Variants in ZMYND12 observed in about 807,000 individuals in gnomAD.
ZMYND12 encodes zinc finger MYND domain-containing protein 12.
In ZMYND12, 32 loss-of-function variants were observed where a neutral mutation model predicts 41.7. That is an observed-to-expected ratio of 0.77 (90% CI 0.58 to 1.03). The LOEUF is 1.03. Among genes scored for constraint, ZMYND12 ranks in the 50% least tolerant of loss-of-function variants. The pLI is 0.00. For synonymous variants in ZMYND12, 148 were observed against 164.8 expected, an observed-to-expected ratio of 0.90 and a Z score of 0.78; for missense variants, 424 against 438.5, an observed-to-expected ratio of 0.97 and a Z score of 0.30.
At chr1:42,434,346 C>G (rs746776046) in intron 6 of ZMYND12, among the ~76,000 whole-genome samples, 1 of 152,154 alleles carries the variant, frequency 6.6e-6, no homozygotes, top group Non-Finnish European at 1.5e-5. Context: ...TTCAGTAAAG[C>G]ATGAAGTTAA....
chr1:42,434,783 G>C (rs904269008), intron 6 of ZMYND12, among the ~76,000 whole-genome samples: 5 of 151,700 alleles, frequency 3.3e-5, no homozygotes, highest in Non-Finnish European at 5.9e-5. Flanking sequence ...ACATTATGAT[G>C]CATGGTATAA....
At chr1:42,443,779 T>C (rs1004028136) in intron 3 of ZMYND12, among the ~76,000 whole-genome samples, 3 of 152,188 alleles carry the variant, frequency 2.0e-5, no homozygotes, top group Non-Finnish European at 4.4e-5. Flanking sequence ...ACCTAATTGA[T>C]TGAGTCTCTA....
At position 42,439,544 on chromosome 1, in the gene ZMYND12, A is replaced by G. The variant is rs112770504; in HGVS notation, c.594+312T>C. Among the ~76,000 whole-genome samples, 782 of 152,164 alleles carry G rather than the reference A, an allele frequency of 5.1e-3. 5 individuals are homozygous for G. Among genetic ancestry groups the G allele is most frequent in the African/African-American group, 0.017 (712 of 41,534 alleles). ...CTCCCAAAGTGCTGGGATTACAGGCATGAGCCACCATGCCCGGCCAGCAAA... is the reference window on the plus strand; with the variant it reads ...CTCCCAAAGTGCTGGGATTACAGGCGTGAGCCACCATGCCCGGCCAGCAAA... On this transcript the variant is annotated intron_variant, in intron 4 of 7. Coordinates refer to ENST00000372565, the MANE Select transcript of ZMYND12 (RefSeq NM_032257.5).
At chr1:42,448,894 T>C (rs564533653) in intron 2 of ZMYND12, among the ~76,000 whole-genome samples, 9 of 152,350 alleles carry the variant, frequency 5.9e-5, no homozygotes, top group African/African-American at 1.9e-4. Context: ...ATGCTCAATA[T>C]AGAGTTATCA....
chr1:42,450,183 C>T lies in ZMYND12; in HGVS notation c.111-124G>A, dbSNP rs112583772. The T allele has an allele frequency of 1.4e-3, 1,538 of 1,077,542 alleles. 11 individuals carry two copies. In the African/African-American group the frequency reaches 0.021, roughly 15 times the overall value. 66.7% of individuals were successfully genotyped at this position (1,077,542 alleles called of 1,614,324 possible). A position where few individuals can be genotyped will look rare whatever the true frequency, so the allele number is the denominator to read the frequency against. Reference sequence around the variant, plus strand: ...AGCCAAATACAAACCAGGCAGGGAGCTCAAAGCCATTTCTGAGACTCAAAT... The same window carrying T: ...AGCCAAATACAAACCAGGCAGGGAGTTCAAAGCCATTTCTGAGACTCAAAT... On this transcript the variant is annotated intron_variant, in intron 1 of 7. Coordinates refer to ENST00000372565, the MANE Select transcript of ZMYND12 (RefSeq NM_032257.5).
intron 3 of ZMYND12, 121 bp downstream of exon 3, chr1:42,448,346 C>T: frequency 8.2e-7 from 1 of 1,217,534 alleles, no homozygotes; most frequent in South Asian, 1.9e-5. Context: ...TTTACAGCAA[C>T]CCTGCTCCTT....
At chr1:42,443,415 A>G (rs1642990511) in intron 3 of ZMYND12, among the ~76,000 whole-genome samples, 1 of 152,194 alleles carries the variant, frequency 6.6e-6, no homozygotes, top group Admixed American at 6.5e-5. Context: ...GGAATTGGGA[A>G]AGGACAGCCA....
rs1642839591 is a variant in ZMYND12 at position 42,430,743 on chromosome 1, A to T, written c.1091T>A (p.Ile364Asn). The change falls in exon 8 of 8, where the codon ATT becomes AAT. Residue 364 changes from isoleucine to asparagine, a missense_variant. Coordinates refer to ENST00000372565, the MANE Select transcript of ZMYND12 (RefSeq NM_032257.5). ...TGCAGAGCTCATGGGTCACTAAGTA[A>T]TGGGATGGTCTTCAGTTGAAATGAG... is the stretch of plus-strand genomic sequence containing the variant. ...LSLISTEDHP[I>N]T 6.2e-7 allele frequency: 1 copy of T among 1,614,166 alleles called. No individual in the cohort carries two copies. The highest frequency in any genetic ancestry group is 1.1e-5 in the South Asian group (1 of 91,072).
Position 42,440,011 on chromosome 1 carries a change from C to G in ZMYND12, c.439G>C (p.Val147Leu). 1 of 1,610,088 alleles carries G rather than the reference C, an allele frequency of 6.2e-7. No individual in the cohort carries two copies. Residue 147 changes from valine to leucine, a missense_variant, in exon 4 of 8, where the codon GTT (valine) becomes CTT (leucine). Transcript: ENST00000372565. ...TGGAATAGATATTCTTCAGCCTGAA[C>G]GATTCGGCCCAGACCTGCCCAAAAG... The part of the protein sequence containing the change: ...AEASLGLGRI[V>L]QAEEYLFQAQ...
intron 3 of ZMYND12, among the ~76,000 whole-genome samples, chr1:42,442,835 G>C (rs145968691): frequency 6.6e-6 from 1 of 152,134 alleles, no homozygotes; most frequent in Non-Finnish European, 1.5e-5. Context: ...TTGCCTGATG[G>C]AAGGTCAAAG....
intron 3 of ZMYND12, 145 bp downstream of exon 3, chr1:42,448,322 A>T: frequency 1.0e-6 from 1 of 956,146 alleles, no homozygotes; most frequent in Non-Finnish European, 1.4e-6. Context: ...CTCCTTCCCT[A>T]CCTTGTGCTA....
chr1:42,440,859 G>A (rs751019346), intron 3 of ZMYND12, among the ~76,000 whole-genome samples: 1 of 151,960 alleles, frequency 6.6e-6, no homozygotes, highest in Non-Finnish European at 1.5e-5. Flanking sequence ...GTAGAGACAG[G>A]GTTTCACCAT....
At chr1:42,440,456 A>G (rs1181046324) in intron 3 of ZMYND12, among the ~76,000 whole-genome samples, 1 of 150,396 alleles carries the variant, frequency 6.6e-6, no homozygotes, top group African/African-American at 2.5e-5. Context: ...TAGAGACGGA[A>G]AGTAGACTAG....
At chr1:42,432,810 A>C in intron 7 of ZMYND12, 1 of 237,576 alleles carries the variant, frequency 4.2e-6, no homozygotes. Context: ...CCCCGCAGCA[A>C]CAGGGAACTC....
intron 7 of ZMYND12, among the ~76,000 whole-genome samples, chr1:42,431,324 C>G (rs1446570528): frequency 6.6e-6 from 1 of 152,134 alleles, no homozygotes; most frequent in Non-Finnish European, 1.5e-5. Context: ...TTACCATGTT[C>G]CAGGTCCTGT....
intron 6 of ZMYND12, among the ~76,000 whole-genome samples, chr1:42,433,819 C>T (rs183612855): frequency 6.6e-6 from 1 of 152,140 alleles, no homozygotes; most frequent in African/African-American, 2.4e-5. Context: ...AGTTTTTGGT[C>T]CTACTTTAGT....
chr1:42,434,238 G>C (rs1392950653), intron 6 of ZMYND12, among the ~76,000 whole-genome samples: 1 of 152,148 alleles, frequency 6.6e-6, no homozygotes, highest in African/African-American at 2.4e-5. Flanking sequence ...TTGTCTCTGA[G>C]GGCATGATGC....
intron 2 of ZMYND12, 109 bp downstream of exon 2, chr1:42,449,809 T>C: frequency 7.3e-7 from 1 of 1,361,442 alleles, no homozygotes; most frequent in African/African-American, 1.4e-5. Context: ...AAACAAAGTC[T>C]CTGCCCTCCG....
chr1:42,435,488 T>A (rs1319877066), intron 5 of ZMYND12, 103 bp from the exon 6 acceptor site: 10 of 865,234 alleles, frequency 1.2e-5, no homozygotes, highest in Non-Finnish European at 1.9e-5. Flanking sequence ...CTGGACAACC[T>A]GGAGGTTCTC....
Sources: gnomAD v4.1 joint callset for allele counts (sites outside exome capture counted in the v4.1 genomes callset) on GRCh38, gnomAD v4.1.1 for gene constraint, MANE v1.5 for transcripts, NCBI Gene and HGNC (gene_info 2026-07-23, HGNC 2026-07-21) for gene names.